Variants in DOCK8 observed in about 807,000 individuals in gnomAD.
DOCK8 encodes the protein dedicator of cytokinesis 8, also known as dedicator of cytokinesis protein 8.
A neutral mutation model predicts 245.6 loss-of-function variants in DOCK8; 141 were observed. That is an observed-to-expected ratio of 0.57 (90% CI 0.50 to 0.66). DOCK8 has a LOEUF of 0.66. Among genes scored for constraint, DOCK8 ranks in the 30% least tolerant of loss-of-function variants. The pLI, the probability that DOCK8 is intolerant of heterozygous loss-of-function variation, is 0.00. For missense variants in DOCK8, 2,965 were observed against 2,603.4 expected (o/e 1.14, Z -3.02); for synonymous variants, 1,168 against 970.2 (o/e 1.20, Z -3.79).
At chr9:362,682 G>A (rs1300303094) in intron 14 of DOCK8, among the ~76,000 whole-genome samples, 1 of 152,168 alleles carries the variant, frequency 6.6e-6, no homozygotes, top group Non-Finnish European at 1.5e-5. Context: ...TTAAACAGGT[G>A]GCCAGTGTGC....
At chr9:214,495 A>C, upstream of DOCK8, 1 of 1,609,990 alleles carries the variant, frequency 6.2e-7, no homozygotes, top group Non-Finnish European at 8.5e-7. Context: ...GTCAACCCTT[A>C]ATAACACCTA....
chr9:349,886 C>G (rs1164669215), intron 14 of DOCK8, among the ~76,000 whole-genome samples: 2 of 152,152 alleles, frequency 1.3e-5, no homozygotes, highest in African/African-American at 4.8e-5. Flanking sequence ...GAATTTGCTT[C>G]TCAGAGTAGG....
intron 43 of DOCK8, 37 bp downstream of exon 43, chr9:443,553 T>G: frequency 6.6e-7 from 1 of 1,526,254 alleles, no homozygotes; most frequent in Non-Finnish European, 9.1e-7. Flanking sequence ...CATCAAGCTC[T>G]AAATCCCTTC....
At chr9:373,030 G>C (rs1389448975) in intron 18 of DOCK8, among the ~76,000 whole-genome samples, 2 of 152,190 alleles carry the variant, frequency 1.3e-5, no homozygotes, top group African/African-American at 4.8e-5. Flanking sequence ...AGCCGGGCGT[G>C]GTGGCGGGTG....
chr9:235,953 C>A (rs569782637), intron 1 of DOCK8, among the ~76,000 whole-genome samples: 33 of 152,336 alleles, frequency 2.2e-4, no homozygotes, highest in Non-Finnish European at 3.5e-4. Flanking sequence ...GAACCCGGTA[C>A]CTCAGTTGGA....
At chr9:302,602 CTGAAGAATGT>C (rs2049604317) in intron 4 of DOCK8, among the ~76,000 whole-genome samples, 1 of 152,130 alleles carries the variant, frequency 6.6e-6, no homozygotes, top group African/African-American at 2.4e-5. Flanking sequence ...AACCGTAAAT[CTGAAGAATGT>C]CTGATATCCA....
chr9:215,455 A>G, intron 1 of DOCK8: 1 of 1,488,858 alleles, frequency 6.7e-7, no homozygotes, highest in Non-Finnish European at 8.9e-7. Flanking sequence ...AAGTGGCTGA[A>G]ATTAGAGTTG....
intron 10 of DOCK8, among the ~76,000 whole-genome samples, chr9:333,592 C>G (rs62533431): frequency 3.0e-3 from 421 of 139,344 alleles, no homozygotes; most frequent in Non-Finnish European, 4.0e-3. Context: ...CAGAGTGAGA[C>G]TCTGTCTCAA....
chr9:390,511 C>T lies in DOCK8; in HGVS notation c.2915C>T (p.Thr972Ile), dbSNP rs747896699. Reference protein sequence around the residue: ...EELALQMVVSTGMVRETVFKY... With the variant: ...EELALQMVVSIGMVRETVFKY... ...CTTGCCCTTCAGATGGTGGTCAGCA[C>T]CGGAATGGTGAGAGAAACAGTCTTC... The change falls in exon 24 of 48, where the codon ACC becomes ATC. Residue 972 changes from threonine (T) to isoleucine (I), a missense_variant. Thr to Ile is a moderately conservative substitution (Grantham distance 89). Around this residue, in one of 3 missense-constraint regions of DOCK8, gnomAD observed 2,825 missense variants for 2,453.5 expected, o/e 1.15. Coordinates refer to ENST00000432829, the MANE Select transcript of DOCK8 (RefSeq NM_203447.4). The T allele has an allele frequency of 2.5e-6, 4 of 1,614,168 alleles. No homozygotes were observed. The highest frequency in any genetic ancestry group is 1.7e-6 in the Non-Finnish European group (2 of 1,180,004).
chr9:327,932 T>A, intron 8 of DOCK8, 90 bp from the exon 9 acceptor site: 1 of 1,289,020 alleles, frequency 7.8e-7, no homozygotes, highest in Non-Finnish European at 1.1e-6. Flanking sequence ...TCAGCAAAAT[T>A]TCTCTGTGGT....
intron 24 of DOCK8, 33 bp downstream of exon 24, chr9:390,599 A>T (rs150256811): frequency 6.3e-7 from 1 of 1,591,628 alleles, no homozygotes; most frequent in Admixed American, 1.7e-5. Flanking sequence ...TCTGTGCTCA[A>T]TAGGCCAAGA....
At chr9:301,045 A>G (rs1217526321) in intron 4 of DOCK8, among the ~76,000 whole-genome samples, 3 of 152,234 alleles carry the variant, frequency 2.0e-5, no homozygotes, top group African/African-American at 7.2e-5. Context: ...AGCAGAAAAG[A>G]AAACTTCAGG....
At chr9:329,631 C>G (rs1465538289) in intron 9 of DOCK8, among the ~76,000 whole-genome samples, 1 of 152,134 alleles carries the variant, frequency 6.6e-6, no homozygotes. Context: ...AAAATTAAAG[C>G]CCACTATGAT....
At chr9:228,694 T>C (rs1008927853) in intron 1 of DOCK8, among the ~76,000 whole-genome samples, 2 of 152,166 alleles carry the variant, frequency 1.3e-5, no homozygotes, top group African/African-American at 2.4e-5. Flanking sequence ...TTTGTTACAG[T>C]AGTCCTGGGA....
At chr9:402,289 C>G (rs879869677) in intron 26 of DOCK8, among the ~76,000 whole-genome samples, 1 of 151,788 alleles carries the variant, frequency 6.6e-6, no homozygotes, top group South Asian at 2.1e-4. Flanking sequence ...TTTTGTTTCT[C>G]TCCTTGACTC....
intron 2 of DOCK8, among the ~76,000 whole-genome samples, chr9:285,420 T>A (rs76472687): frequency 0.024 from 3,695 of 152,314 alleles, 78 homozygotes; most frequent in South Asian, 0.059. Flanking sequence ...ATATTTGTTT[T>A]GTTGGTCCAC....
chr9:421,212 C>T, intron 32 of DOCK8, 134 bp downstream of exon 32: 1 of 1,232,068 alleles, frequency 8.1e-7, no homozygotes, highest in Non-Finnish European at 1.2e-6. Context: ...ACAGCGGATT[C>T]TGGGAGTCTG....
chr9:413,940 G>A (rs924018015), intron 28 of DOCK8, among the ~76,000 whole-genome samples: 8 of 152,158 alleles, frequency 5.3e-5, no homozygotes, highest in Non-Finnish European at 1.2e-4. Context: ...CCAGGAGTTC[G>A]AGACCAGCCT....
At chr9:345,926 A>G (rs561148426) in intron 14 of DOCK8, among the ~76,000 whole-genome samples, 14 of 152,154 alleles carry the variant, frequency 9.2e-5, no homozygotes, top group Non-Finnish European at 1.5e-4. Context: ...TTGGGCATTC[A>G]TAAAATAAAT....
Sources: gnomAD v4.1 joint callset for allele counts (sites outside exome capture counted in the v4.1 genomes callset) on GRCh38, gnomAD v4.1.1 for gene constraint, gnomAD v4.1.1 regional missense constraint, MANE v1.5 for transcripts, NCBI Gene and HGNC (gene_info 2026-07-23, HGNC 2026-07-21) for gene names.